ARHGEF38: variants seen among roughly 807,000 people sequenced by gnomAD.
ARHGEF38 encodes Rho guanine nucleotide exchange factor (GEF) 38.
In ARHGEF38, 79 loss-of-function variants were observed where a neutral mutation model predicts 79.9. The ratio of observed to expected loss-of-function variants is 0.99; its 90% confidence interval spans 0.82 to 1.19. The LOEUF (loss-of-function observed/expected upper bound fraction) is 1.19. Among genes scored for constraint, ARHGEF38 ranks in the 50% most tolerant of loss-of-function variants. The pLI is 0.00. For synonymous variants in ARHGEF38, 366 were observed against 328.3 expected (o/e 1.11, Z -1.24); for missense variants, 962 against 907.2 (o/e 1.06, Z -0.78).
At chr4:105,570,880 T>C (rs1020993632) in intron 1 of ARHGEF38, among the ~76,000 whole-genome samples, 1 of 152,274 alleles carries the variant, frequency 6.6e-6, no homozygotes, top group East Asian at 1.9e-4. Context: ...ACAACACAGA[T>C]GAACCTTGAT....
At chr4:105,564,869 C>T (rs922909017) in intron 1 of ARHGEF38, among the ~76,000 whole-genome samples, 1 of 152,118 alleles carries the variant, frequency 6.6e-6, no homozygotes, top group East Asian at 1.9e-4. Flanking sequence ...CTGGAGATCC[C>T]GAGAACATCT....
chr4:105,640,802 T>C (rs1729587318), intron 5 of ARHGEF38, among the ~76,000 whole-genome samples: 1 of 152,196 alleles, frequency 6.6e-6, no homozygotes, highest in Non-Finnish European at 1.5e-5. Context: ...GGTAATTCTT[T>C]ATCATTTTCT....
chr4:105,620,723 T>C (rs1463927364), intron 3 of ARHGEF38, among the ~76,000 whole-genome samples: 1 of 152,168 alleles, frequency 6.6e-6, no homozygotes, highest in Non-Finnish European at 1.5e-5. Flanking sequence ...ATTTAACATA[T>C]CAAGTGTCAT....
chr4:105,596,068 C>G (rs1727563749), intron 2 of ARHGEF38, among the ~76,000 whole-genome samples: 2 of 152,160 alleles, frequency 1.3e-5, no homozygotes, highest in South Asian at 4.1e-4. Flanking sequence ...CATGCTCTCT[C>G]TCAATTCAGA....
chr4:105,616,474 G>C (rs1728513282), intron 3 of ARHGEF38, among the ~76,000 whole-genome samples: 1 of 152,026 alleles, frequency 6.6e-6, no homozygotes, highest in African/African-American at 2.4e-5. Context: ...GCACGCCAAG[G>C]GGGAAGTGCG....
At chr4:105,561,398 A>AAC (rs1225764960) in intron 1 of ARHGEF38, among the ~76,000 whole-genome samples, 3 of 18,650 alleles carry the variant, frequency 1.6e-4, no homozygotes, top group African/African-American at 6.5e-4. Context: ...AATAGAGTAG[A>AAC]ATAATAGAAT....
At chr4:105,605,122 G>A (rs1727985598) in intron 2 of ARHGEF38, among the ~76,000 whole-genome samples, 1 of 152,050 alleles carries the variant, frequency 6.6e-6, no homozygotes, top group African/African-American at 2.4e-5. Context: ...CCAAACCTCT[G>A]CTGAGTAACT....
intron 2 of ARHGEF38, 37 bp from the exon 3 acceptor site, chr4:105,613,346 GT>G (rs1728376634): frequency 6.2e-7 from 1 of 1,604,094 alleles, no homozygotes; most frequent in South Asian, 1.1e-5. Context: ...CCTAAATACA[GT>G]GCTTCTCCAT....
chr4:105,596,453 C>T (rs1727584396), intron 2 of ARHGEF38, among the ~76,000 whole-genome samples: 1 of 152,024 alleles, frequency 6.6e-6, no homozygotes, highest in Non-Finnish European at 1.5e-5. Context: ...CACCAACTCC[C>T]TGAGAACACA....
intron 5 of ARHGEF38, among the ~76,000 whole-genome samples, chr4:105,639,948 T>C (rs1729552431): frequency 6.6e-6 from 1 of 152,090 alleles, no homozygotes; most frequent in African/African-American, 2.4e-5. Context: ...AGAAAAATAG[T>C]AATCCCCTCT....
At chr4:105,667,104 C>A (rs1200662956) in intron 11 of ARHGEF38, 25 bp from the exon 12 acceptor site, 1 of 1,520,474 alleles carries the variant, frequency 6.6e-7, no homozygotes, top group South Asian at 1.2e-5. Context: ...CTGTCTAAAC[C>A]AAAACTTCTC....
chr4:105,668,294 G>C (rs1037317812), intron 13 of ARHGEF38, among the ~76,000 whole-genome samples: 1 of 151,886 alleles, frequency 6.6e-6, no homozygotes, highest in Non-Finnish European at 1.5e-5. Context: ...CAATTCTCCT[G>C]TCTCAGCCTC....
rs377707637 is a variant in ARHGEF38 at position 105,559,592 on chromosome 4, C to T, written c.196+6631C>T. On this transcript the variant is annotated intron_variant, in intron 1 of 13. Coordinates refer to ENST00000420470, the MANE Select transcript of ARHGEF38 (RefSeq NM_001242729.2). ...ATGAGAAATCTAAATTAGAAGTTGG[C>T]CTTTCAGATTGTTATAAAATATATT... Among the ~76,000 whole-genome samples the T allele has an allele frequency of 4.0e-4, 61 of 152,044 alleles. 1 individual carries two copies. The South Asian group carries it at 0.012, about 29-fold the overall frequency.
chr4:105,620,127 G>A (rs757501639), intron 3 of ARHGEF38, among the ~76,000 whole-genome samples: 2 of 152,220 alleles, frequency 1.3e-5, no homozygotes, highest in Non-Finnish European at 2.9e-5. Context: ...GTCATGCCAA[G>A]ATACAAAGTG....
At chr4:105,663,920 A>C (rs932885095) in intron 10 of ARHGEF38, among the ~76,000 whole-genome samples, 1 of 151,366 alleles carries the variant, frequency 6.6e-6, no homozygotes, top group Non-Finnish European at 1.5e-5. Flanking sequence ...CAGTGAGCTG[A>C]GATTGCACTA....
chr4:105,615,600 C>T (rs1188812146), intron 3 of ARHGEF38, among the ~76,000 whole-genome samples: 3 of 152,304 alleles, frequency 2.0e-5, no homozygotes, highest in Non-Finnish European at 4.4e-5. Context: ...ATTCAGTCCA[C>T]TTTAGCATTT....
intron 1 of ARHGEF38, among the ~76,000 whole-genome samples, chr4:105,568,324 A>C (rs1220632769): frequency 1.3e-5 from 2 of 151,814 alleles, no homozygotes; most frequent in Middle Eastern, 3.4e-3. Context: ...GGCAATCATT[A>C]AAAAGTCAGG....
intron 2 of ARHGEF38, among the ~76,000 whole-genome samples, chr4:105,600,074 T>C (rs1029765219): frequency 6.6e-6 from 1 of 152,184 alleles, no homozygotes; most frequent in African/African-American, 2.4e-5. Context: ...TAGTTGAATA[T>C]GCAAATTAAA....
At chr4:105,570,431 A>T (rs966849543) in intron 1 of ARHGEF38, among the ~76,000 whole-genome samples, 1 of 152,184 alleles carries the variant, frequency 6.6e-6, no homozygotes, top group African/African-American at 2.4e-5. Flanking sequence ...GACATACCTG[A>T]GACTGGGTAA....
Sources: allele counts gnomAD v4.1 joint callset (sites outside exome capture counted in the v4.1 genomes callset), GRCh38; gene constraint gnomAD v4.1.1; transcripts MANE v1.5; gene names NCBI Gene and HGNC (gene_info 2026-07-23, HGNC 2026-07-21).